Variants in CEP128 observed in about 807,000 individuals in gnomAD.
CEP128 encodes centrosomal protein 128kDa.
Under a neutral mutation model 156.7 loss-of-function variants are expected in CEP128, and 132 were observed. The observed-to-expected ratio is 0.84, with a 90% CI of 0.73 to 0.97. The LOEUF is 0.97. Ranked by LOEUF, CEP128 falls within the 50% of genes least tolerant of loss-of-function variation. The pLI, the probability that CEP128 is intolerant of heterozygous loss-of-function variation, is 0.00. For synonymous variants in CEP128, 469 were observed against 448.9 expected, an observed-to-expected ratio of 1.04 and a Z score of -0.57; for missense variants, 1,252 against 1,281.9, an observed-to-expected ratio of 0.98 and a Z score of 0.36.
intron 10 of CEP128, among the ~76,000 whole-genome samples, chr14:80,839,240 C>T (rs1194841516): frequency 6.6e-6 from 1 of 152,204 alleles, no homozygotes. Flanking sequence ...TGTTTGCATT[C>T]TGTAACAGTA....
intron 18 of CEP128, among the ~76,000 whole-genome samples, chr14:80,745,925 C>T (rs114206122): frequency 0.027 from 4,061 of 151,560 alleles, 176 homozygotes; most frequent in African/African-American, 0.092. Context: ...AAAATCAATA[C>T]AAAAATTAAT....
At chr14:80,508,455 T>G (rs946705869) in intron 23 of CEP128, among the ~76,000 whole-genome samples, 1 of 152,212 alleles carries the variant, frequency 6.6e-6, no homozygotes, top group African/African-American at 2.4e-5. Context: ...TTTCCTATTT[T>G]TTCATGGGAA....
At chr14:80,860,618 A>G (rs1887467910) in intron 9 of CEP128, among the ~76,000 whole-genome samples, 1 of 151,994 alleles carries the variant, frequency 6.6e-6, no homozygotes, top group Admixed American at 6.5e-5. Flanking sequence ...ATAAAAATCA[A>G]GGTTAAAAAA....
At chr14:80,502,457 T>C (rs896702951) in intron 24 of CEP128, among the ~76,000 whole-genome samples, 3 of 152,178 alleles carry the variant, frequency 2.0e-5, no homozygotes, top group Non-Finnish European at 4.4e-5. Flanking sequence ...GAATCATCTA[T>C]TGCCCCTCCT....
At position 80,541,443 on chromosome 14, in the gene CEP128, T is replaced by TTAAAA. The variant is rs1555372783; in HGVS notation, c.2881-10558_2881-10557insTTTTA. On this transcript the variant is annotated intron_variant, in intron 21 of 24. Transcript: ENST00000555265. ...CAGAAAGTGAAGCTAATGACTGTGT[T>TTAAAA]AAAAAAAAAAAAAAAAAAAAAACCA... Among the ~76,000 whole-genome samples the TTAAAA allele has an allele frequency of 1.5e-4, 17 of 109,934 alleles. 1 individual carries two copies. Among genetic ancestry groups the TTAAAA allele is most frequent in the East Asian group, 5.3e-4 (2 of 3,744 alleles). The allele number at this position is 109,934 out of a possible 152,430, so 72.1% of individuals were successfully genotyped here.
chr14:80,702,935 TAA>T (rs1171337873), intron 19 of CEP128, among the ~76,000 whole-genome samples: 1 of 152,166 alleles, frequency 6.6e-6, no homozygotes, highest in Non-Finnish European at 1.5e-5. Context: ...TAAAATCACA[TAA>T]ATGGCACCAA....
intron 19 of CEP128, among the ~76,000 whole-genome samples, chr14:80,657,256 CA>C (rs570541555): frequency 6.3e-5 from 9 of 143,502 alleles, no homozygotes; most frequent in Admixed American, 2.1e-4. Flanking sequence ...GACTCTATCT[CA>C]AAAAAAAAAA....
intron 18 of CEP128, among the ~76,000 whole-genome samples, chr14:80,745,609 T>A (rs969892108): frequency 6.6e-6 from 1 of 152,146 alleles, no homozygotes; most frequent in South Asian, 2.1e-4. Context: ...CTCCTTAATA[T>A]GATTTTTAAA....
At chr14:80,684,666 A>ATATC (rs1420026627) in intron 19 of CEP128, among the ~76,000 whole-genome samples, 4 of 151,762 alleles carry the variant, frequency 2.6e-5, no homozygotes, top group Non-Finnish European at 5.9e-5. Context: ...CTGCAAGTCA[A>ATATC]TATCTCTGAG....
chr14:80,647,517 T>C (rs979522147), intron 19 of CEP128, among the ~76,000 whole-genome samples: 1 of 152,112 alleles, frequency 6.6e-6, no homozygotes, highest in Non-Finnish European at 1.5e-5. Flanking sequence ...GACTCTATAT[T>C]GACTTTTTTT....
At chr14:80,826,105 CAAAAA>C (rs397700906) in intron 13 of CEP128, among the ~76,000 whole-genome samples, 13 of 70,496 alleles carry the variant, frequency 1.8e-4, no homozygotes, top group Middle Eastern at 7.8e-3. Flanking sequence ...GATTCTGTCT[CAAAAA>C]AAAAAAAAAA....
At chr14:80,715,671 A>T (rs1276228197) in intron 19 of CEP128, among the ~76,000 whole-genome samples, 1 of 152,180 alleles carries the variant, frequency 6.6e-6, no homozygotes, top group Non-Finnish European at 1.5e-5. Context: ...AAATTAGTAA[A>T]AAGGAGGGAA....
intron 18 of CEP128, among the ~76,000 whole-genome samples, chr14:80,754,636 G>A (rs1899557293): frequency 6.7e-6 from 1 of 149,490 alleles, no homozygotes; most frequent in Non-Finnish European, 1.5e-5. Context: ...CTAATTTTTT[G>A]TATTTTTAGT....
At chr14:80,811,675 ATATG>A (rs111547487) in intron 13 of CEP128, among the ~76,000 whole-genome samples, 56 of 105,928 alleles carry the variant, frequency 5.3e-4, no homozygotes, top group Admixed American at 9.0e-4. Flanking sequence ...GTGTACAGAC[ATATG>A]TGTGTGTGTG....
At chr14:80,480,432 C>T (rs1341273242) in intron 14 of CEP128, among the ~76,000 whole-genome samples, 2 of 152,226 alleles carry the variant, frequency 1.3e-5, no homozygotes, top group South Asian at 2.1e-4. Context: ...CATAGCCCAA[C>T]CCATACACTG....
At chr14:80,757,087 A>T in intron 17 of CEP128, 136 bp from the exon 18 acceptor site, 2 of 595,222 alleles carry the variant, frequency 3.4e-6, no homozygotes, top group Non-Finnish European at 6.0e-6. Context: ...GTTGCCCCAA[A>T]TACTCAACCA....
At chr14:80,648,299 C>T (rs1020522992) in intron 19 of CEP128, among the ~76,000 whole-genome samples, 3 of 151,990 alleles carry the variant, frequency 2.0e-5, no homozygotes, top group African/African-American at 7.2e-5. Flanking sequence ...TTCAGTTTCA[C>T]CTGCCTTATG....
Position 80,610,279 on chromosome 14 carries a change from T to C in CEP128, c.2807-29856A>G, listed in dbSNP as rs946968279. ...TAAGCTCTGTATATGTTTGAGTATA[T>C]ATCTAGGAATGCTACTGTTTTTATC... On this transcript the variant is annotated intron_variant, in intron 19 of 24. Coordinates refer to ENST00000555265, the MANE Select transcript of CEP128 (RefSeq NM_152446.5). Among the ~76,000 whole-genome samples, 13 of 152,294 alleles carry C rather than the reference T, an allele frequency of 8.5e-5. No individual in the cohort carries two copies. In the East Asian group the frequency reaches 2.3e-3, roughly 27 times the overall value.
intron 24 of CEP128, among the ~76,000 whole-genome samples, chr14:80,503,130 G>A (rs1227167290): frequency 6.6e-6 from 1 of 152,028 alleles, no homozygotes; most frequent in Non-Finnish European, 1.5e-5. Context: ...CAAGACTATG[G>A]ATTAATCAGT....
Sources: allele counts gnomAD v4.1 joint callset (sites outside exome capture counted in the v4.1 genomes callset), GRCh38; gene constraint gnomAD v4.1.1; transcripts MANE v1.5; gene names NCBI Gene and HGNC (gene_info 2026-07-23, HGNC 2026-07-21).